The following SPPL3 variants were observed in gnomAD, a reference collection of about 807,000 sequenced individuals.
The protein encoded by SPPL3 is signal peptide peptidase-like 3.
Under a neutral mutation model 42.4 loss-of-function variants are expected in SPPL3, and 5 were observed. The ratio of observed to expected loss-of-function variants is 0.12; its 90% CI spans 0.06 to 0.25. The LOEUF (loss-of-function observed/expected upper bound fraction) is 0.25. Among genes scored for constraint, SPPL3 ranks in the 10% least tolerant of loss-of-function variants. The pLI is 1.00. For synonymous variants in SPPL3, 195 were observed against 181.8 expected (o/e 1.07, Z -0.58); for missense variants, 235 against 489.0 (o/e 0.48, Z 4.90).
chr12:120,894,546 T>C (rs1045711277), intron 1 of SPPL3, among the ~76,000 whole-genome samples: 1 of 152,178 alleles, frequency 6.6e-6, no homozygotes, highest in African/African-American at 2.4e-5. Context: ...AACAAAACTT[T>C]CTTTGCTACA....
At chr12:120,778,344 T>C (rs1367045334) in intron 6 of SPPL3, among the ~76,000 whole-genome samples, 1 of 152,062 alleles carries the variant, frequency 6.6e-6, no homozygotes, top group Non-Finnish European at 1.5e-5. Context: ...CTCGAACTCC[T>C]GACCTCAGGT....
chr12:120,885,401 T>C (rs1873421280), intron 1 of SPPL3, among the ~76,000 whole-genome samples: 1 of 152,184 alleles, frequency 6.6e-6, no homozygotes, highest in Non-Finnish European at 1.5e-5. Flanking sequence ...CCTGGGTCCA[T>C]ATTATCACAA....
intron 2 of SPPL3, 72 bp from the exon 3 acceptor site, chr12:120,791,629 T>A: frequency 1.1e-6 from 1 of 931,578 alleles, no homozygotes; most frequent in Admixed American, 2.4e-5. Flanking sequence ...CATATGACAA[T>A]ATTTTTAAAT....
intron 1 of SPPL3, among the ~76,000 whole-genome samples, chr12:120,846,728 A>G (rs1401889534): frequency 6.6e-6 from 1 of 152,240 alleles, no homozygotes; most frequent in African/African-American, 2.4e-5. Flanking sequence ...TGGCTTGTGG[A>G]AAGCTGGCAA....
At chr12:120,878,882 G>T (rs1873192529) in intron 1 of SPPL3, among the ~76,000 whole-genome samples, 1 of 152,004 alleles carries the variant, frequency 6.6e-6, no homozygotes, top group African/African-American at 2.4e-5. Context: ...GGGAGGCTGA[G>T]GCGGGTGGAT....
At chr12:120,777,590 TACCACCCTTTTACC>T (rs1246048376) in intron 6 of SPPL3, among the ~76,000 whole-genome samples, 2 of 8,470 alleles carry the variant, frequency 2.4e-4, no homozygotes, top group African/African-American at 3.4e-3. Flanking sequence ...CCTTTTACCA[TACCACCCTTTTACC>T]ATAAGCTGGG....
rs186594121 is a variant in SPPL3 at position 120,777,804 on chromosome 12, C to G, written c.502+4851G>C. On this transcript the variant is annotated intron_variant, in intron 6 of 10. Coordinates refer to ENST00000353487, the MANE Select transcript of SPPL3 (RefSeq NM_139015.5). ...TCTCTAGTACTGAAGCAAACAATCA[C>G]AGCACATGTTTTTATAAGGGAATAC... is the stretch of plus-strand genomic sequence containing the variant. Among the ~76,000 whole-genome samples the G allele has an allele frequency of 1.3e-3, 197 of 152,312 alleles. 1 individual carries two copies. The highest frequency in any genetic ancestry group is 4.6e-3 in the African/African-American group (190 of 41,564).
intron 1 of SPPL3, among the ~76,000 whole-genome samples, chr12:120,853,335 A>AATTCC (rs1298285447): frequency 6.6e-6 from 1 of 152,222 alleles, no homozygotes; most frequent in African/African-American, 2.4e-5. Flanking sequence ...ACAAGCAGAG[A>AATTCC]ATTCCTGTTA....
At chr12:120,882,643 A>G (rs1390795136) in intron 1 of SPPL3, among the ~76,000 whole-genome samples, 1 of 152,184 alleles carries the variant, frequency 6.6e-6, no homozygotes, top group Admixed American at 6.5e-5. Context: ...ATTAAATGGT[A>G]TCAAAAGACA....
intron 1 of SPPL3, among the ~76,000 whole-genome samples, chr12:120,841,221 A>G (rs533742264): frequency 6.6e-6 from 1 of 151,846 alleles, no homozygotes; most frequent in South Asian, 2.1e-4. Context: ...GCTACTCCAG[A>G]GGCTGAGGCA....
intron 1 of SPPL3, among the ~76,000 whole-genome samples, chr12:120,858,080 G>C (rs1320377164): frequency 6.6e-6 from 1 of 152,104 alleles, no homozygotes; most frequent in Admixed American, 6.5e-5. Flanking sequence ...GGGAGGCAGA[G>C]AGCATCTGTA....
chr12:120,829,316 C>T (rs1044397740), intron 1 of SPPL3, among the ~76,000 whole-genome samples: 5 of 152,140 alleles, frequency 3.3e-5, no homozygotes, highest in Non-Finnish European at 5.9e-5. Context: ...TGCTCTTTGG[C>T]TGGGTACGGT....
chr12:120,890,520 C>T lies in SPPL3; in HGVS notation c.23+13325G>A, dbSNP rs954233205. Among the ~76,000 whole-genome samples the T allele has an allele frequency of 2.8e-5, 4 of 142,978 alleles. 1 individual carries two copies. The highest frequency in any genetic ancestry group is 4.5e-4 in the South Asian group (2 of 4,424). The allele number at this position is 142,978 out of a possible 152,430, so 93.8% of individuals were successfully genotyped here. Reference sequence around the variant, plus strand: ...AGGAGAATCGCTTGAATCTGGAAGGCGGAGGCTGCAGTAAGCAGAGATCGC... The same window carrying T: ...AGGAGAATCGCTTGAATCTGGAAGGTGGAGGCTGCAGTAAGCAGAGATCGC... On this transcript the variant is annotated intron_variant, in intron 1 of 10. Transcript: ENST00000353487.
chr12:120,892,913 C>G (rs576871640), intron 1 of SPPL3, among the ~76,000 whole-genome samples: 2 of 140,314 alleles, frequency 1.4e-5, no homozygotes, highest in Non-Finnish European at 3.0e-5. Flanking sequence ...ACCCGGTAGG[C>G]AGAGGTTGCA....
In SPPL3 at chr12:120,819,101, G is replaced by A. The variant is rs922122721; in HGVS notation, c.24-8215C>T. On this transcript the variant is annotated intron_variant, in intron 1 of 10. Coordinates refer to ENST00000353487, the MANE Select transcript of SPPL3 (RefSeq NM_139015.5). The stretch of plus-strand genomic sequence containing the variant: ...CAGATGGATAGTTGGAAAAGAAGGA[G>A]TACTTCATAGCCTTTTCAGATAACT... 8.5e-5 allele frequency among the ~76,000 whole-genome samples: 13 copies of A among 152,308 alleles called. No individual in the cohort carries two copies. The South Asian group carries it at 2.7e-3, about 32-fold the overall frequency.
chr12:120,768,649 G>A, intron 7 of SPPL3, 161 bp from the exon 8 acceptor site: 1 of 842,692 alleles, frequency 1.2e-6, no homozygotes, highest in Non-Finnish European at 1.8e-6. Flanking sequence ...CTGTGTACTT[G>A]CCAATTTCTG....
At chr12:120,843,125 C>T (rs939777141) in intron 1 of SPPL3, among the ~76,000 whole-genome samples, 6 of 152,022 alleles carry the variant, frequency 3.9e-5, no homozygotes, top group African/African-American at 1.5e-4. Context: ...TCACAGTGAA[C>T]GGATCACAGT....
chr12:120,828,359 TTA>T (rs1871290852), intron 1 of SPPL3, among the ~76,000 whole-genome samples: 1 of 151,594 alleles, frequency 6.6e-6, no homozygotes, highest in Admixed American at 6.6e-5. Context: ...CATTAAGTGA[TTA>T]TACTGGAAAA....
intron 1 of SPPL3, among the ~76,000 whole-genome samples, chr12:120,867,071 T>C (rs553137799): frequency 4.7e-4 from 72 of 152,362 alleles, no homozygotes; most frequent in Non-Finnish European, 9.1e-4. Context: ...TCCTAAGATT[T>C]AGCAATTTCT....
Sources: allele counts gnomAD v4.1 joint callset (sites outside exome capture counted in the v4.1 genomes callset), GRCh38; gene constraint gnomAD v4.1.1; transcripts MANE v1.5; gene names NCBI Gene and HGNC (gene_info 2026-07-23, HGNC 2026-07-21).